The following CCSER1 variants were observed in gnomAD, a reference collection of about 807,000 sequenced individuals.
The protein encoded by CCSER1 is coiled-coil serine rich protein 1, also known as serine-rich coiled-coil domain-containing protein 1.
Under a neutral mutation model 82.0 loss-of-function variants are expected in CCSER1, and 41 were observed. The observed-to-expected ratio is 0.50, with a 90% CI of 0.39 to 0.65. The LOEUF is 0.65. Among genes scored for constraint, CCSER1 ranks in the 30% least tolerant of loss-of-function variants. The probability of loss-of-function intolerance (pLI) is 0.00; values close to 1 mark genes in which losing one functional copy is unlikely to be tolerated. For synonymous variants in CCSER1, 414 were observed against 383.9 expected, an observed-to-expected ratio of 1.08 and a Z score of -0.92; for missense variants, 1,119 against 1,064.2, an observed-to-expected ratio of 1.05 and a Z score of -0.72.
intron 5 of CCSER1, among the ~76,000 whole-genome samples, chr4:90,502,185 A>G (rs1560622178): frequency 6.6e-6 from 1 of 152,158 alleles, no homozygotes. Context: ...GTTGACTCAC[A>G]GTTTCATAGG....
rs185616002 is a variant in CCSER1 at position 91,525,649 on chromosome 4, C to A, written c.2218-72923C>A. Among the ~76,000 whole-genome samples the A allele has an allele frequency of 3.9e-5, 6 of 152,084 alleles. No homozygotes were observed. In the South Asian group the frequency reaches 1.2e-3, roughly 32 times the overall value. Reference sequence around the variant, plus strand: ...CCTCCTGCTCACCCCTCAGATACCCCCTCCTGTCATTAGTGTCAGACCTTC... The same window carrying A: ...CCTCCTGCTCACCCCTCAGATACCCACTCCTGTCATTAGTGTCAGACCTTC... On this transcript the variant is annotated intron_variant, in intron 10 of 10. Transcript: ENST00000509176.
intron 10 of CCSER1, among the ~76,000 whole-genome samples, chr4:91,499,940 T>C (rs1300985811): frequency 6.6e-6 from 1 of 152,092 alleles, no homozygotes; most frequent in African/African-American, 2.4e-5. Flanking sequence ...TAAATATCAA[T>C]GTATAGGTTT....
At chr4:91,247,918 G>A (rs377017354) in intron 10 of CCSER1, among the ~76,000 whole-genome samples, 2 of 151,378 alleles carry the variant, frequency 1.3e-5, no homozygotes, top group Non-Finnish European at 2.9e-5. Context: ...AACACGAACC[G>A]GGACTCCTTG....
Position 90,308,337 on chromosome 4 carries a change from T to G in CCSER1, c.53T>G (p.Phe18Cys). 6.2e-7 allele frequency: 1 copy of G among 1,610,574 alleles called. No homozygotes were observed. The highest frequency in any genetic ancestry group is 8.5e-7 in the Non-Finnish European group (1 of 1,178,244). The change falls in exon 2 of 11, where the codon TTC becomes TGC. Residue 18 changes from phenylalanine (F) to cysteine (C), a missense_variant. Transcript: ENST00000509176. ...ACCCTGGTCTCCCGGTTGCCAATAT[T>G]CAGAAGAAGTATTAACAGAAGACAT... is the stretch of plus-strand genomic sequence containing the variant. The part of the protein sequence containing the change: ...RSTLVSRLPI[F>C]RRSINRRHDS...
chr4:91,506,585 A>T (rs1759502509), intron 10 of CCSER1, among the ~76,000 whole-genome samples: 1 of 152,078 alleles, frequency 6.6e-6, no homozygotes, highest in South Asian at 2.1e-4. Flanking sequence ...ATCTTTTCCC[A>T]TTTGTTTAAA....
chr4:90,185,557 T>A (rs1359113516), intron 1 of CCSER1, among the ~76,000 whole-genome samples: 1 of 152,016 alleles, frequency 6.6e-6, no homozygotes. Flanking sequence ...GTACCAGTGC[T>A]GATAATAAAG....
At chr4:90,613,613 G>A (rs1013803968) in intron 5 of CCSER1, among the ~76,000 whole-genome samples, 2 of 152,108 alleles carry the variant, frequency 1.3e-5, no homozygotes, top group African/African-American at 2.4e-5. Context: ...AGTTTACTTT[G>A]CCTAAATTCA....
intron 10 of CCSER1, among the ~76,000 whole-genome samples, chr4:91,218,206 G>A (rs1224641992): frequency 1.3e-5 from 2 of 152,208 alleles, no homozygotes; most frequent in Non-Finnish European, 2.9e-5. Flanking sequence ...GCAGCCACTG[G>A]CCCGGGTGCT....
chr4:90,486,667 A>T (rs1470281532), intron 5 of CCSER1, among the ~76,000 whole-genome samples: 2 of 152,166 alleles, frequency 1.3e-5, no homozygotes, highest in Non-Finnish European at 2.9e-5. Context: ...CATAATAGGA[A>T]GTCAGCCAAG....
intron 8 of CCSER1, among the ~76,000 whole-genome samples, chr4:90,921,137 A>G (rs1254629617): frequency 3.3e-5 from 5 of 151,830 alleles, no homozygotes; most frequent in African/African-American, 4.8e-5. Context: ...TATTAAATTT[A>G]TCAATTTATA....
intron 4 of CCSER1, among the ~76,000 whole-genome samples, chr4:90,408,523 G>C (rs749299876): frequency 5.3e-5 from 8 of 152,134 alleles, no homozygotes; most frequent in Non-Finnish European, 7.3e-5. Context: ...AGGCAAACAG[G>C]GTCTGGAGTG....
intron 1 of CCSER1, among the ~76,000 whole-genome samples, chr4:90,294,503 G>A (rs78417202): frequency 0.031 from 4,781 of 152,078 alleles, 198 homozygotes; most frequent in African/African-American, 0.095. Context: ...CGAACTTGGT[G>A]AAATTATTTT....
At chr4:90,179,779 A>AT (rs1173555982) in intron 1 of CCSER1, among the ~76,000 whole-genome samples, 5 of 151,720 alleles carry the variant, frequency 3.3e-5, no homozygotes, top group African/African-American at 1.2e-4. Flanking sequence ...TATTTCCTGA[A>AT]TGCTTAACAT....
chr4:90,229,378 T>A (rs1016131802), intron 1 of CCSER1, among the ~76,000 whole-genome samples: 6 of 151,926 alleles, frequency 3.9e-5, no homozygotes, highest in African/African-American at 1.5e-4. Flanking sequence ...CTAAGCTTTA[T>A]AAGTGAGGGA....
At chr4:90,613,833 C>A (rs1720707510) in intron 5 of CCSER1, among the ~76,000 whole-genome samples, 1 of 152,182 alleles carries the variant, frequency 6.6e-6, no homozygotes, top group Non-Finnish European at 1.5e-5. Flanking sequence ...TCCTTTCTTA[C>A]ACTCCTGTGA....
At chr4:90,543,380 A>C (rs777000430) in intron 5 of CCSER1, among the ~76,000 whole-genome samples, 35 of 152,158 alleles carry the variant, frequency 2.3e-4, no homozygotes, top group Non-Finnish European at 4.1e-4. Context: ...GTGGGCCCTA[A>C]ATCCTGCATT....
chr4:90,937,758 G>A (rs1049859285), intron 9 of CCSER1, among the ~76,000 whole-genome samples: 6 of 152,044 alleles, frequency 3.9e-5, no homozygotes, highest in Non-Finnish European at 7.4e-5. Context: ...CAATATATCT[G>A]TATTTTAAGC....
intron 6 of CCSER1, chr4:90,649,724 A>T (rs1329067242): frequency 2.6e-5 from 4 of 152,244 alleles, no homozygotes; most frequent in Non-Finnish European, 5.9e-5. Flanking sequence ...CTTTGAAACT[A>T]ATATTTTAAC....
intron 6 of CCSER1, among the ~76,000 whole-genome samples, chr4:90,699,890 C>T (rs1292428980): frequency 1.3e-5 from 2 of 151,986 alleles, no homozygotes; most frequent in Non-Finnish European, 2.9e-5. Flanking sequence ...TTTCCTTCCA[C>T]CATGTGAGCG....
Sources: gnomAD v4.1 joint callset for allele counts (sites outside exome capture counted in the v4.1 genomes callset) on GRCh38, gnomAD v4.1.1 for gene constraint, MANE v1.5 for transcripts, NCBI Gene and HGNC (gene_info 2026-07-23, HGNC 2026-07-21) for gene names.